PLAAT2: variants seen among roughly 807,000 people sequenced by gnomAD.
PLAAT2 encodes phospholipase A and acyltransferase 2.
In PLAAT2, 12 loss-of-function variants were observed where a neutral mutation model predicts 12.8. The observed-to-expected ratio is 0.94, with a 90% CI of 0.60 to 1.52. The LOEUF is 1.52. Ranked by LOEUF, PLAAT2 falls within the 40% of genes most tolerant of loss-of-function variation. The probability of loss-of-function intolerance (pLI) is 0.00; values close to 1 mark genes in which losing one functional copy is unlikely to be tolerated. For synonymous variants in PLAAT2, 79 were observed against 86.8 expected, an observed-to-expected ratio of 0.91 and a Z score of 0.50; for missense variants, 166 against 208.1, an observed-to-expected ratio of 0.80 and a Z score of 1.24.
chr11:63,564,175 A>ACC (rs1177003849), upstream of PLAAT2, among the ~76,000 whole-genome samples: 33 of 152,322 alleles, frequency 2.2e-4, no homozygotes, highest in African/African-American at 7.2e-4. Context: ...ACAGCAGTAT[A>ACC]GAAACCACTC....
chr11:63,558,403 G>A lies in PLAAT2; in HGVS notation c.376C>T (p.Arg126Cys), dbSNP rs138690084. The A allele has an allele frequency of 8.7e-5, 141 of 1,614,086 alleles. 1 individual carries two copies. The highest frequency in any genetic ancestry group is 2.5e-4 in the African/African-American group (19 of 75,040). ...FVNHLRYGVSRSDQVTGAVTT... is the reference protein window; with the variant it reads ...FVNHLRYGVSCSDQVTGAVTT... ...GGCTGAAGATGCACCTGGTCACTGC[G>A]GGAGACGCCATAGCGCAGATGGTTC... The change falls in exon 3 of 4, where the codon CGC (arginine) becomes TGC (cysteine). Residue 126 changes from arginine to cysteine, a missense_variant. Coordinates refer to ENST00000255695, the MANE Select transcript of PLAAT2 (RefSeq NM_017878.2).
upstream of PLAAT2, among the ~76,000 whole-genome samples, chr11:63,563,659 A>G (rs1161710454): frequency 1.4e-5 from 2 of 147,042 alleles, no homozygotes; most frequent in Non-Finnish European, 3.0e-5. Flanking sequence ...CAGACCTTGC[A>G]GCGAGCAGAG....
intron 1 of PLAAT2, 141 bp from the exon 2 acceptor site, chr11:63,560,334 C>G: frequency 1.6e-6 from 1 of 625,112 alleles, no homozygotes; most frequent in Non-Finnish European, 2.8e-6. Flanking sequence ...GGGAGCACTC[C>G]TCACATATGT....
chr11:63,563,425 T>A, upstream of PLAAT2: 1 of 1,478,464 alleles, frequency 6.8e-7, no homozygotes, highest in Admixed American at 1.7e-5. Flanking sequence ...TATACAACTA[T>A]TTCAGAACAT....
chr11:63,560,404 G>A (rs989439599), intron 1 of PLAAT2, among the ~76,000 whole-genome samples: 7 of 152,236 alleles, frequency 4.6e-5, no homozygotes, highest in African/African-American at 1.4e-4. Flanking sequence ...AGGGGACAAG[G>A]AGGAGATGAA....
chr11:63,560,023 CTG>C (rs1215436959), intron 2 of PLAAT2, 60 bp downstream of exon 2: 4 of 1,112,182 alleles, frequency 3.6e-6, no homozygotes, highest in African/African-American at 1.5e-5. Flanking sequence ...AAGCACGTAA[CTG>C]TGCATCTCTT....
At position 63,552,924 on chromosome 11, in the gene PLAAT2, C is replaced by T. The variant is rs1172090367; in HGVS notation, c.*40G>A. On this transcript the variant is annotated 3_prime_UTR_variant, in exon 4 of 4. Transcript: ENST00000255695. Reference sequence around the variant, plus strand: ...CACTCCTGCTGGCTAAATAATATTCCTCCGTAAGAATTGGTGGTTGTTGGG... The same window carrying T: ...CACTCCTGCTGGCTAAATAATATTCTTCCGTAAGAATTGGTGGTTGTTGGG... 4 of 1,335,182 alleles carry T rather than the reference C, an allele frequency of 3.0e-6. No homozygotes were observed. The highest frequency in any genetic ancestry group is 3.4e-5 in the Admixed American group (2 of 59,140). The allele number at this position is 1,335,182 out of a possible 1,614,324, so 82.7% of individuals were successfully genotyped here. A position where few individuals can be genotyped will look rare whatever the true frequency, so the allele number is the denominator to read the frequency against.
rs532278908 is a variant in PLAAT2, at chr11:63,555,531, G to A, written c.388-2466C>T. Among the ~76,000 whole-genome samples the A allele has an allele frequency of 3.9e-5, 6 of 152,190 alleles. No homozygotes were observed. In the South Asian group the frequency reaches 1.2e-3, roughly 32 times the overall value. On this transcript the variant is annotated intron_variant, in intron 3 of 3. Coordinates refer to ENST00000255695, the MANE Select transcript of PLAAT2 (RefSeq NM_017878.2). ...GGTGAAACCCCATTGCTACAAAAAA[G>A]AAATACAAAAATTAGCCGGGTGTGG...
intron 3 of PLAAT2, among the ~76,000 whole-genome samples, chr11:63,556,243 G>T (rs1470430619): frequency 6.6e-6 from 1 of 152,160 alleles, no homozygotes; most frequent in East Asian, 1.9e-4. Flanking sequence ...AGAAAGGCAA[G>T]TTATTGGGTG....
Position 63,558,490 on chromosome 11 carries a change from C to T in PLAAT2, c.289G>A (p.Glu97Lys). Residue 97 changes from glutamate to lysine, a missense_variant, in exon 3 of 4, where the codon GAG becomes AAG. Physicochemically the swap from Glu to Lys is moderately conservative, Grantham distance 56. Coordinates refer to ENST00000255695, the MANE Select transcript of PLAAT2 (RefSeq NM_017878.2). ...GGCAACTCCTGCCCCACCAACTCCT[C>T]TGCCCGCTTGACGATTTTGTTGGAA... is the stretch of plus-strand genomic sequence containing the variant. Reference protein sequence around the residue: ...LPSNKIVKRAEELVGQELPYS... With the variant: ...LPSNKIVKRAKELVGQELPYS... 1 of 1,614,268 alleles carries T rather than the reference C, an allele frequency of 6.2e-7. No homozygotes were observed.
intron 1 of PLAAT2, among the ~76,000 whole-genome samples, chr11:63,561,973 G>A (rs1450256407): frequency 3.3e-5 from 5 of 152,142 alleles, no homozygotes; most frequent in Admixed American, 3.3e-4. Flanking sequence ...ATCTTTGGAG[G>A]ATGGAAAAGA....
At position 63,558,761 on chromosome 11, in the gene PLAAT2, G is replaced by C; in HGVS notation, c.119-101C>G. The C allele has an allele frequency of 2.1e-6, 3 of 1,400,626 alleles. No homozygotes were observed. The South Asian group carries it at 3.9e-5, about 18-fold the overall frequency. 86.8% of individuals were successfully genotyped at this position (1,400,626 alleles called of 1,614,324 possible). The stretch of plus-strand genomic sequence containing the variant: ...CGAGCACCATCAAGGAGGAGCAGCT[G>C]TGGAAGGACTTGTCCATCCTGCCTG... On this transcript the variant is annotated intron_variant, in intron 2 of 3. Transcript: ENST00000255695.
chr11:63,553,154 T>C (rs2017433485), intron 3 of PLAAT2, 89 bp from the exon 4 acceptor site: 1 of 768,768 alleles, frequency 1.3e-6, no homozygotes, highest in Non-Finnish European at 2.2e-6. Flanking sequence ...GAAAGACTCA[T>C]CTGGCCCAGT....
intron 3 of PLAAT2, among the ~76,000 whole-genome samples, chr11:63,555,259 G>A (rs2017456517): frequency 6.6e-6 from 1 of 152,126 alleles, no homozygotes; most frequent in Admixed American, 6.5e-5. Context: ...TATACAGTCA[G>A]CCCTCCATAT....
chr11:63,554,214 T>C (rs947280042), intron 3 of PLAAT2, among the ~76,000 whole-genome samples: 11 of 151,564 alleles, frequency 7.3e-5, no homozygotes, highest in Non-Finnish European at 1.6e-4. Context: ...TTTCTAGATA[T>C]CAGCACTGTG....
rs200210991 is a variant in PLAAT2 at position 63,558,639 on chromosome 11, G to A, written c.140C>T (p.Ala47Val). ...GGTCAGGGCAGACAGGACACTGGCC[G>A]CACCAGCTCCAGCAATTTCACCTGT... Reference protein sequence around the residue: ...APASEIAGAGAASVLSALTNK... With the variant: ...APASEIAGAGVASVLSALTNK... The change falls in exon 3 of 4, where the codon GCG becomes GTG. Residue 47 changes from alanine (A) to valine (V), a missense_variant. Coordinates refer to ENST00000255695, the MANE Select transcript of PLAAT2 (RefSeq NM_017878.2). 3.9e-4 allele frequency: 630 copies of A among 1,614,194 alleles called. No homozygotes were observed. Among genetic ancestry groups the A allele is most frequent in the Non-Finnish European group, 5.2e-4 (611 of 1,180,028 alleles).
In PLAAT2 at chr11:63,558,749, G is replaced by A. The variant is rs139190972; in HGVS notation, c.119-89C>T. The A allele has an allele frequency of 8.9e-4, 1,317 of 1,480,096 alleles. 16 individuals carry two copies. The East Asian group carries it at 0.023, about 26-fold the overall frequency. 91.7% of individuals were successfully genotyped at this position (1,480,096 alleles called of 1,614,324 possible). A position where few individuals can be genotyped will look rare whatever the true frequency, so the allele number is the denominator to read the frequency against. On this transcript the variant is annotated intron_variant, in intron 2 of 3. Transcript: ENST00000255695. Reference sequence around the variant, plus strand: ...GCCTCATCGCCCCGAGCACCATCAAGGAGGAGCAGCTGTGGAAGGACTTGT... The same window carrying A: ...GCCTCATCGCCCCGAGCACCATCAAAGAGGAGCAGCTGTGGAAGGACTTGT...
intron 1 of PLAAT2, among the ~76,000 whole-genome samples, chr11:63,560,750 G>C (rs2017511830): frequency 6.6e-6 from 1 of 152,230 alleles, no homozygotes; most frequent in South Asian, 2.1e-4. Context: ...GGAACGTTAG[G>C]TAACTTGCCT....
chr11:63,564,754 C>G (rs1267827245), upstream of PLAAT2, among the ~76,000 whole-genome samples: 1 of 152,190 alleles, frequency 6.6e-6, no homozygotes, highest in Non-Finnish European at 1.5e-5. Flanking sequence ...CCCACTCAGG[C>G]TTGCTGATCA....
Sources: gnomAD v4.1 joint callset for allele counts (sites outside exome capture counted in the v4.1 genomes callset) on GRCh38, gnomAD v4.1.1 for gene constraint, MANE v1.5 for transcripts, NCBI Gene and HGNC (gene_info 2026-07-23, HGNC 2026-07-21) for gene names.